Variants in VAC14 observed in about 807,000 individuals in gnomAD.
VAC14 encodes VAC14 component of PIKFYVE complex.
In VAC14, 47 loss-of-function variants were observed where a neutral mutation model predicts 85.3. The observed-to-expected ratio is 0.55, with a 90% confidence interval of 0.44 to 0.70. The LOEUF is 0.70. Ranked by LOEUF, VAC14 falls within the 30% of genes least tolerant of loss-of-function variation. The pLI, the probability that VAC14 is intolerant of heterozygous loss-of-function variation, is 0.00. For synonymous variants in VAC14, 447 were observed against 430.5 expected (o/e 1.04, Z -0.47); for missense variants, 861 against 1,004.3 (o/e 0.86, Z 1.93).
Position 70,697,176 on chromosome 16 carries a change from G to A in VAC14, c.1918C>T (p.Gln640Ter), listed in dbSNP as rs1408510963. Residue 640 changes from glutamine to a stop codon, truncating the protein, a stop_gained, in exon 16 of 19, where the codon CAG (glutamine) becomes TAG (stop). Transcript: ENST00000261776. LOFTEE classifies it high-confidence loss of function. ...VTTVSLCFLT[Q>*]NYRHAYDLIQ... Reference sequence around the variant, plus strand: ...AGGTCATAGGCGTGCCGGTAGTTCTGGGTGAGGAAGCAGAGGGACACCGTG... The same window carrying A: ...AGGTCATAGGCGTGCCGGTAGTTCTAGGTGAGGAAGCAGAGGGACACCGTG... 6.2e-7 allele frequency: 1 copy of A among 1,613,998 alleles called. No individual in the cohort carries two copies.
At chr16:70,744,625 C>G (rs1477418652) in intron 12 of VAC14, 46 bp from the exon 13 acceptor site, 2 of 1,529,570 alleles carry the variant, frequency 1.3e-6, no homozygotes, top group East Asian at 4.6e-5. Context: ...CCGCTGAGAG[C>G]TGTGCTGACC....
At chr16:70,732,185 TG>T (rs1210843988) in intron 13 of VAC14, among the ~76,000 whole-genome samples, 1 of 152,236 alleles carries the variant, frequency 6.6e-6, no homozygotes, top group Non-Finnish European at 1.5e-5. Flanking sequence ...GGAAAAGGAA[TG>T]ATGCGCACAG....
At chr16:70,736,450 T>G (rs1015166184) in intron 13 of VAC14, among the ~76,000 whole-genome samples, 1 of 152,138 alleles carries the variant, frequency 6.6e-6, no homozygotes, top group Non-Finnish European at 1.5e-5. Flanking sequence ...TCTATCAGGA[T>G]GCTCTGAGGA....
At chr16:70,689,203 G>A (rs1373384400) in intron 18 of VAC14, 1 of 980,258 alleles carries the variant, frequency 1.0e-6, no homozygotes, top group African/African-American at 1.7e-5. Context: ...GCTACCTAAG[G>A]AGCGGCCCTG....
chr16:70,691,052 C>T, intron 18 of VAC14: 1 of 985,500 alleles, frequency 1.0e-6, no homozygotes, highest in Non-Finnish European at 1.2e-6. Context: ...TCCACTGACC[C>T]TCAGAATCTT....
chr16:70,789,859 TA>T (rs1440320659), intron 1 of VAC14, among the ~76,000 whole-genome samples: 5 of 152,214 alleles, frequency 3.3e-5, no homozygotes, highest in Non-Finnish European at 7.3e-5. Flanking sequence ...TGGCACAAGT[TA>T]CAGCGACACT....
chr16:70,762,100 G>GT lies in VAC14; in HGVS notation c.1371+439dup, dbSNP rs1555523464. 1.4e-3 allele frequency among the ~76,000 whole-genome samples: 148 copies of GT among 103,858 alleles called. No individual in the cohort carries two copies. Among genetic ancestry groups the GT allele is most frequent in the East Asian group, 0.014 (60 of 4,294 alleles). The allele number at this position is 103,858 out of a possible 152,430, so 68.1% of individuals were successfully genotyped here. A position where few individuals can be genotyped will look rare whatever the true frequency, so the allele number is the denominator to read the frequency against. ...AGAAGAGTCCTCACTCCTAAAGTGA[G>GT]TTTTTTTTTTTGTTTTTGTTTTTTT... On this transcript the variant is annotated intron_variant, in intron 12 of 18. Coordinates refer to ENST00000261776, the MANE Select transcript of VAC14 (RefSeq NM_018052.5). The surrounding 1 kb of genome is among the most constrained non-coding windows in gnomAD (Gnocchi z 4.1).
chr16:70,698,769 T>C lies in VAC14; in HGVS notation c.1704A>G (p.Ser568=), dbSNP rs758655711. 1.7e-5 allele frequency: 28 copies of C among 1,614,126 alleles called. No individual in the cohort carries two copies. The highest frequency in any genetic ancestry group is 2.1e-5 in the Non-Finnish European group (25 of 1,180,018). Residue 568 remains serine (S), a synonymous_variant, in exon 15 of 19, where the codon TCA becomes TCG. Transcript: ENST00000261776. The part of the protein sequence containing the change: ...LLLNAENIFH[S]MADILLREED... ...CCTCCCGCAGCAGGATGTCTGCCAT[T>C]GAGTGGAAGATGTTCTCCGCATTCA...
chr16:70,749,071 G>A (rs2031163053), intron 12 of VAC14, among the ~76,000 whole-genome samples: 2 of 152,262 alleles, frequency 1.3e-5, no homozygotes, highest in Admixed American at 6.5e-5. Context: ...GACCTTGCCA[G>A]GCTGTTGTGA....
rs2033832566 is a variant in VAC14, at chr16:70,781,946, C to T, written c.869G>A (p.Gly290Asp). The T allele has an allele frequency of 6.2e-7, 1 of 1,614,014 alleles. No individual in the cohort carries two copies. The highest frequency in any genetic ancestry group is 1.3e-5 in the African/African-American group (1 of 74,930). ...CWMREFIQLA[G>D]RVMLPYSSGI... ...GGAGGAGTAAGGCAGCATGACGCGG[C>T]CCGCCAGCTGGATGAACTCCCGCAT... The change falls in exon 8 of 19, where the codon GGC becomes GAC. Residue 290 changes from glycine (G) to aspartate (D), a missense_variant. Physicochemically the swap from Gly to Asp is moderately conservative, Grantham distance 94. Around this residue, in one of 3 missense-constraint regions of VAC14, gnomAD observed 629 missense variants for 703.1 expected, o/e 0.89. Transcript: ENST00000261776.
intron 18 of VAC14, chr16:70,690,055 G>C (rs1485567911): frequency 1.0e-6 from 1 of 985,354 alleles, no homozygotes; most frequent in Non-Finnish European, 1.2e-6. Flanking sequence ...CCTTAGGTTA[G>C]GGGAGCTTAG....
chr16:70,785,594 C>G, intron 3 of VAC14, 108 bp downstream of exon 3: 1 of 1,339,990 alleles, frequency 7.5e-7, no homozygotes, highest in Non-Finnish European at 1.0e-6. Flanking sequence ...CAGCCACATG[C>G]TTGTTTGCTC....
chr16:70,688,130 G>T, intron 18 of VAC14, 40 bp from the exon 19 acceptor site: 1 of 1,481,474 alleles, frequency 6.8e-7, no homozygotes, highest in Non-Finnish European at 9.1e-7. Context: ...TCAGGGATCA[G>T]CTCACAGGGG....
intron 13 of VAC14, among the ~76,000 whole-genome samples, chr16:70,741,395 G>GC (rs1391899658): frequency 3.3e-5 from 5 of 152,252 alleles, no homozygotes; most frequent in African/African-American, 1.2e-4. Flanking sequence ...GGAGGTGGGG[G>GC]GGCGGGGAAG....
intron 14 of VAC14, among the ~76,000 whole-genome samples, chr16:70,706,320 C>T (rs961631433): frequency 1.3e-5 from 2 of 152,336 alleles, no homozygotes; most frequent in Admixed American, 6.5e-5. Flanking sequence ...GCTGGGTGGA[C>T]TCCACCGGTC....
intron 9 of VAC14, among the ~76,000 whole-genome samples, chr16:70,774,829 T>C (rs1402167721): frequency 7.2e-6 from 1 of 138,668 alleles, no homozygotes; most frequent in Non-Finnish European, 1.5e-5. Flanking sequence ...CACTGTAACC[T>C]CCGCCTCCCG....
chr16:70,738,025 C>T (rs1487598462), intron 13 of VAC14, among the ~76,000 whole-genome samples: 1 of 152,220 alleles, frequency 6.6e-6, no homozygotes. Flanking sequence ...GGGGAGGCAG[C>T]ACCACCTTCT....
At chr16:70,690,311 C>T (rs1198167779) in intron 18 of VAC14, 1 of 985,384 alleles carries the variant, frequency 1.0e-6, no homozygotes, top group Non-Finnish European at 1.2e-6. Context: ...CAGGCCCGCT[C>T]TCCCTGCCCC....
chr16:70,688,785 C>T, intron 18 of VAC14: 3 of 985,606 alleles, frequency 3.0e-6, no homozygotes, highest in Non-Finnish European at 3.6e-6. Flanking sequence ...GCCTTGCTGT[C>T]CCTGTCAAGC....
Sources: gnomAD v4.1 joint callset for allele counts (sites outside exome capture counted in the v4.1 genomes callset) on GRCh38, gnomAD v4.1.1 for gene constraint, gnomAD v4.1.1 regional missense constraint, Gnocchi (gnomAD v3.1) non-coding constraint, MANE v1.5 for transcripts, NCBI Gene and HGNC (gene_info 2026-07-23, HGNC 2026-07-21) for gene names.